Variants in ADGRD1 observed in about 807,000 individuals in gnomAD.
The protein encoded by ADGRD1 is adhesion G protein-coupled receptor D1, also known as G-protein coupled receptor 133.
Under a neutral mutation model 113.4 loss-of-function variants are expected in ADGRD1, and 77 were observed. The observed-to-expected ratio is 0.68, with a 90% CI of 0.57 to 0.82. The LOEUF (loss-of-function observed/expected upper bound fraction) is 0.82, where lower values mean the gene tolerates loss of function less well. Among genes scored for constraint, ADGRD1 ranks in the 40% least tolerant of loss-of-function variants. The pLI, the probability that ADGRD1 is intolerant of heterozygous loss-of-function variation, is 0.00. For missense variants in ADGRD1, 1,036 were observed against 1,139.1 expected (o/e 0.91, Z 1.30); for synonymous variants, 474 against 475.0 (o/e 1.00, Z 0.03).
intron 4 of ADGRD1, among the ~76,000 whole-genome samples, chr12:130,979,855 A>C (rs1356539261): frequency 1.3e-5 from 2 of 149,594 alleles, no homozygotes; most frequent in Non-Finnish European, 3.0e-5. Context: ...ACACACACAC[A>C]CACACACTGG....
chr12:131,073,851 GAACT>G (rs1411716521), intron 13 of ADGRD1, among the ~76,000 whole-genome samples: 3 of 152,150 alleles, frequency 2.0e-5, no homozygotes, highest in Admixed American at 2.0e-4. Context: ...ACTCCTGCAA[GAACT>G]AACTTACTCC....
chr12:131,128,736 C>T (rs1403982193), intron 20 of ADGRD1, among the ~76,000 whole-genome samples: 5 of 152,154 alleles, frequency 3.3e-5, no homozygotes, highest in African/African-American at 1.2e-4. Context: ...CACCCCATGG[C>T]GGCCTTCAGT....
intron 18 of ADGRD1, among the ~76,000 whole-genome samples, chr12:131,114,426 A>G (rs1308045288): frequency 1.3e-5 from 2 of 152,090 alleles, no homozygotes; most frequent in Non-Finnish European, 1.5e-5. Context: ...TTGCAAATGG[A>G]GCGCTGGCTG....
Position 131,108,709 on chromosome 12 carries a change from C to G in ADGRD1, c.1888-15C>G, listed in dbSNP as rs1249389188. The stretch of plus-strand genomic sequence containing the variant: ...CCCAGAGCTGTCTCACTTCCCATCT[C>G]TGGTTAAATCCTAGACCCCCTGCCA... On this transcript the variant is annotated splice_polypyrimidine_tract_variant and intron_variant, in intron 17 of 24. Coordinates refer to ENST00000261654, the MANE Select transcript of ADGRD1 (RefSeq NM_198827.5). 1 of 1,614,170 alleles carries G rather than the reference C, an allele frequency of 6.2e-7. No homozygotes were observed. Among genetic ancestry groups the G allele is most frequent in the South Asian group, 1.1e-5 (1 of 91,080 alleles).
At chr12:131,130,992 A>C (rs1303242086) in intron 20 of ADGRD1, among the ~76,000 whole-genome samples, 1 of 152,204 alleles carries the variant, frequency 6.6e-6, no homozygotes, top group Admixed American at 6.5e-5. Flanking sequence ...ACGGCCTCAG[A>C]ATTTTTCAGA....
At position 130,971,504 on chromosome 12, in the gene ADGRD1, A is replaced by G; in HGVS notation, c.234A>G (p.Glu78=). 1 of 1,613,742 alleles carries G rather than the reference A, an allele frequency of 6.2e-7. No individual in the cohort carries two copies. The highest frequency in any genetic ancestry group is 8.5e-7 in the Non-Finnish European group (1 of 1,179,766). ...ACAAAGGCATTTACCTGAAAGAGGA[A>G]AAGGGAGTCACGCTTCTCTATTACG... is the stretch of plus-strand genomic sequence containing the variant. The part of the protein sequence containing the change: ...KVNKGIYLKE[E]KGVTLLYYGR... Residue 78 remains glutamate (E), a synonymous_variant, in exon 4 of 25, where the codon GAA becomes GAG. Coordinates refer to ENST00000261654, the MANE Select transcript of ADGRD1 (RefSeq NM_198827.5). This position sits in a 1 kb window ranked among gnomAD's most constrained non-coding sequence, Gnocchi z 4.2.
chr12:131,037,399 C>CG (rs573357171), intron 13 of ADGRD1, among the ~76,000 whole-genome samples: 15 of 107,926 alleles, frequency 1.4e-4, no homozygotes, highest in South Asian at 1.1e-3. Flanking sequence ...CTCACTACAC[C>CG]AGGTCTCAGT....
intron 13 of ADGRD1, among the ~76,000 whole-genome samples, chr12:131,020,728 C>T (rs1235331339): frequency 1.3e-5 from 2 of 152,198 alleles, no homozygotes; most frequent in Non-Finnish European, 2.9e-5. Context: ...TTGTGCAGTG[C>T]GGGGGACCTG....
rs1950936923 is a variant in ADGRD1 at position 131,131,811 on chromosome 12, CT to C, written c.2264del (p.Phe755SerfsTer3). The C allele has an allele frequency of 6.2e-7, 1 of 1,608,080 alleles. No individual in the cohort carries two copies. The highest frequency in any genetic ancestry group is 8.5e-7 in the Non-Finnish European group (1 of 1,174,522). The part of the protein sequence containing the change: ...NYKIHGDPSA[F>X]KLTAKAVAVL... ...ACAAGATCCATGGAGACCCCAGTGC[CT>C]TCAAGTAAGTTGACCTCAGGCTGCC... On this transcript the variant is annotated frameshift_variant, in exon 21 of 25. Coordinates refer to ENST00000261654, the MANE Select transcript of ADGRD1 (RefSeq NM_198827.5). LOFTEE classifies it high-confidence loss of function.
At chr12:131,077,761 A>G (rs1189015280) in intron 14 of ADGRD1, among the ~76,000 whole-genome samples, 5 of 152,020 alleles carry the variant, frequency 3.3e-5, no homozygotes, top group Non-Finnish European at 5.9e-5. Flanking sequence ...TTTTTGAGAC[A>G]GGGTCTCACT....
At chr12:131,008,102 T>A (rs1459163724) in intron 12 of ADGRD1, among the ~76,000 whole-genome samples, 1 of 152,218 alleles carries the variant, frequency 6.6e-6, no homozygotes, top group African/African-American at 2.4e-5. Flanking sequence ...AGCACTGATT[T>A]CTGAGGATTG....
chr12:131,104,769 A>G, intron 15 of ADGRD1, 62 bp from the exon 16 acceptor site: 2 of 1,189,700 alleles, frequency 1.7e-6, no homozygotes, highest in Non-Finnish European at 2.4e-6. Context: ...GGCCCTCTGC[A>G]GCTTCAGGCT....
chr12:130,967,953 C>T (rs961278075), intron 3 of ADGRD1: 2 of 152,222 alleles, frequency 1.3e-5, no homozygotes, highest in African/African-American at 4.8e-5. Context: ...AACCACGTTC[C>T]CTTGTTGGCA....
rs1396653210 is a variant in ADGRD1 at position 131,060,922 on chromosome 12, T to C, written c.1474-15879T>C. ...GTCCACCCCGCCCATGTTACCTGGA[T>C]GGAGAACAGAGTGGACAGAGTCCTG... On this transcript the variant is annotated intron_variant, in intron 13 of 24. Coordinates refer to ENST00000261654, the MANE Select transcript of ADGRD1 (RefSeq NM_198827.5). This position sits in a 1 kb window ranked among gnomAD's most constrained non-coding sequence, Gnocchi z 4.4. Among the ~76,000 whole-genome samples the C allele has an allele frequency of 6.6e-6, 1 of 152,010 alleles. No homozygotes were observed. The highest frequency in any genetic ancestry group is 1.5e-5 in the Non-Finnish European group (1 of 67,988).
At chr12:131,105,671 G>T in intron 16 of ADGRD1, 83 bp from the exon 17 acceptor site, 1 of 985,340 alleles carries the variant, frequency 1.0e-6, no homozygotes, top group East Asian at 2.6e-5. Context: ...AATGGATATA[G>T]GGACTTCGTG....
Position 131,002,629 on chromosome 12 carries a change from C to T in ADGRD1, c.1027-556C>T. ...CCTGCTTTCTTGGGGGCAGTGTCTA[C>T]CAGGATCCTCTGCTCTGGAACTCAG... On this transcript the variant is annotated intron_variant, in intron 9 of 24. Coordinates refer to ENST00000261654, the MANE Select transcript of ADGRD1 (RefSeq NM_198827.5). The T allele has an allele frequency of 2.7e-6, 3 of 1,101,428 alleles. No individual in the cohort carries two copies. The South Asian group carries it at 5.9e-5, about 22-fold the overall frequency. 68.2% of individuals were successfully genotyped at this position (1,101,428 alleles called of 1,614,324 possible).
intron 15 of ADGRD1, among the ~76,000 whole-genome samples, chr12:131,097,112 C>T (rs1433376993): frequency 1.3e-5 from 2 of 152,206 alleles, no homozygotes; most frequent in Non-Finnish European, 2.9e-5. Context: ...CCCTTTCTCT[C>T]CCCTCCCGAG....
At chr12:131,133,489 T>C (rs1950990577) in intron 21 of ADGRD1, among the ~76,000 whole-genome samples, 1 of 152,204 alleles carries the variant, frequency 6.6e-6, no homozygotes, top group African/African-American at 2.4e-5. Flanking sequence ...CGAGGTAGCG[T>C]GCCCCGGGAG....
rs1394636403 is a variant in ADGRD1 at position 130,966,595 on chromosome 12, C to T, written c.187+49C>T. On this transcript the variant is annotated intron_variant, in intron 3 of 24. Transcript: ENST00000261654. This position sits in a 1 kb window ranked among gnomAD's most constrained non-coding sequence, Gnocchi z 4.6. ...GGCTGTGGGCGCGGGAATCCCAGGG[C>T]CATCAGGAGGCGTGGGTGCTGAGAG... The T allele has an allele frequency of 8.6e-7, 1 of 1,157,932 alleles. No individual in the cohort carries two copies. Among genetic ancestry groups the T allele is most frequent in the South Asian group, 1.2e-5 (1 of 81,874 alleles). 71.7% of individuals were successfully genotyped at this position (1,157,932 alleles called of 1,614,324 possible).
Sources: gnomAD v4.1 joint callset for allele counts (sites outside exome capture counted in the v4.1 genomes callset) on GRCh38, gnomAD v4.1.1 for gene constraint, Gnocchi (gnomAD v3.1) non-coding constraint, MANE v1.5 for transcripts, NCBI Gene and HGNC (gene_info 2026-07-23, HGNC 2026-07-21) for gene names.